The following RXFP1 variants were observed in gnomAD, a reference collection of about 807,000 sequenced individuals.
The protein encoded by RXFP1 is relaxin family peptide receptor 1, also known as relaxin receptor 1.
In RXFP1, 73 loss-of-function variants were observed where a neutral mutation model predicts 89.8. The ratio of observed to expected loss-of-function variants is 0.81; its 90% confidence interval spans 0.67 to 0.99. The LOEUF (loss-of-function observed/expected upper bound fraction) is 0.99. Among genes scored for constraint, RXFP1 ranks in the 50% least tolerant of loss-of-function variants. The pLI is 0.00. For synonymous variants in RXFP1, 277 were observed against 305.5 expected, an observed-to-expected ratio of 0.91 and a Z score of 0.97; for missense variants, 793 against 895.5, an observed-to-expected ratio of 0.89 and a Z score of 1.46.
At chr4:158,590,231 C>A (rs1397976889) in intron 2 of RXFP1, among the ~76,000 whole-genome samples, 2 of 152,146 alleles carry the variant, frequency 1.3e-5, no homozygotes, top group Non-Finnish European at 2.9e-5. Flanking sequence ...AGTGTGCAAT[C>A]TCGGCTCACT....
At chr4:158,595,146 G>T (rs1162495651) in intron 3 of RXFP1, among the ~76,000 whole-genome samples, 1 of 152,120 alleles carries the variant, frequency 6.6e-6, no homozygotes, top group African/African-American at 2.4e-5. Context: ...TTTACCTTTT[G>T]CTAGTCCTAG....
At chr4:158,616,758 G>T (rs1764657951) in intron 8 of RXFP1, among the ~76,000 whole-genome samples, 1 of 151,236 alleles carries the variant, frequency 6.6e-6, no homozygotes. Flanking sequence ...CAGCACTTTG[G>T]GAGTCCGAGG....
intron 13 of RXFP1, among the ~76,000 whole-genome samples, chr4:158,638,488 G>C (rs1335012369): frequency 6.6e-6 from 1 of 152,046 alleles, no homozygotes; most frequent in African/African-American, 2.4e-5. Context: ...CAAAAATTCT[G>C]TTAGAGCCAA....
chr4:158,550,400 C>T (rs1031189770), intron 1 of RXFP1, among the ~76,000 whole-genome samples: 5 of 152,246 alleles, frequency 3.3e-5, no homozygotes, highest in African/African-American at 9.6e-5. Flanking sequence ...TTGCACTTCC[C>T]GTGTGAGGCA....
chr4:158,626,130 A>AGAT (rs1247065875), intron 9 of RXFP1, among the ~76,000 whole-genome samples: 1 of 143,260 alleles, frequency 7.0e-6, no homozygotes. Context: ...ATAGATAGAT[A>AGAT]GATAGATAGA....
chr4:158,552,016 G>A (rs1178837173), intron 1 of RXFP1, among the ~76,000 whole-genome samples: 1 of 152,182 alleles, frequency 6.6e-6, no homozygotes, highest in East Asian at 1.9e-4. Flanking sequence ...ATTGAGACCA[G>A]TTGGGGACAC....
chr4:158,617,384 T>C (rs1764787813), intron 9 of RXFP1, among the ~76,000 whole-genome samples, 179 bp downstream of exon 9: 1 of 148,670 alleles, frequency 6.7e-6, no homozygotes, highest in Admixed American at 6.7e-5. Flanking sequence ...TTATCTAAAC[T>C]AACATCTCTA....
In RXFP1 at chr4:158,585,755, T is replaced by C. The variant is rs36050757; in HGVS notation, c.188-7646T>C. On this transcript the variant is annotated intron_variant, in intron 2 of 17. Coordinates refer to ENST00000307765, the MANE Select transcript of RXFP1 (RefSeq NM_021634.4). The stretch of plus-strand genomic sequence containing the variant: ...AGGTAAAAAAGATTTTCTACTATAC[T>C]CTCATAAAGAGATAAAATATATACA... 4.5e-3 allele frequency among the ~76,000 whole-genome samples: 680 copies of C among 152,316 alleles called. 26 individuals are homozygous for C. The highest frequency in any genetic ancestry group is 0.039 in the Admixed American group (593 of 15,298).
At chr4:158,555,047 G>A (rs1242244459) in intron 1 of RXFP1, among the ~76,000 whole-genome samples, 1 of 151,968 alleles carries the variant, frequency 6.6e-6, no homozygotes, top group African/African-American at 2.4e-5. Flanking sequence ...TTAAATTTAA[G>A]TAAACAAAAC....
intron 6 of RXFP1, among the ~76,000 whole-genome samples, chr4:158,609,683 C>G (rs1044922663): frequency 2.6e-5 from 4 of 152,276 alleles, no homozygotes; most frequent in African/African-American, 9.6e-5. Flanking sequence ...GCAGGAGACT[C>G]GAAGCCTTAA....
At chr4:158,539,427 A>C (rs1746061456) in intron 1 of RXFP1, among the ~76,000 whole-genome samples, 1 of 152,150 alleles carries the variant, frequency 6.6e-6, no homozygotes, top group African/African-American at 2.4e-5. Flanking sequence ...ACACTTATAC[A>C]TATGTAACAA....
intron 1 of RXFP1, among the ~76,000 whole-genome samples, chr4:158,550,254 G>T (rs942119773): frequency 6.6e-6 from 1 of 152,240 alleles, no homozygotes; most frequent in African/African-American, 2.4e-5. Context: ...TCCGAGCCAT[G>T]TGTGGGATAT....
intron 1 of RXFP1, among the ~76,000 whole-genome samples, chr4:158,549,489 A>G (rs4622953): frequency 0.96 from 146,121 of 152,296 alleles, 70,351 homozygotes; most frequent in East Asian, 1. Context: ...TTCCGTTGCT[A>G]GTGAGGAGCT....
chr4:158,572,861 T>C (rs781226555), intron 2 of RXFP1, 26 bp downstream of exon 2: 4 of 1,612,816 alleles, frequency 2.5e-6, no homozygotes, highest in Non-Finnish European at 3.4e-6. Context: ...GCAGTCACGG[T>C]GAGAGAAAGG....
chr4:158,601,994 CT>C (rs1216111831), intron 4 of RXFP1, among the ~76,000 whole-genome samples: 6 of 152,170 alleles, frequency 3.9e-5, no homozygotes, highest in Non-Finnish European at 8.8e-5. Context: ...CTAGAGCTAG[CT>C]TTGACAATAA....
At chr4:158,633,530 A>AT in intron 12 of RXFP1, 54 bp downstream of exon 12, 1 of 1,105,400 alleles carries the variant, frequency 9.0e-7, no homozygotes, top group South Asian at 1.4e-5. Flanking sequence ...TATTTTTTAA[A>AT]TTGTAAAATA....
chr4:158,610,481 G>T (rs1342271697), intron 6 of RXFP1, among the ~76,000 whole-genome samples: 1 of 152,166 alleles, frequency 6.6e-6, no homozygotes, highest in African/African-American at 2.4e-5. Context: ...CAGGACTCCT[G>T]TTCTCTAGAA....
At chr4:158,634,886 C>T (rs1768845200) in intron 12 of RXFP1, among the ~76,000 whole-genome samples, 1 of 152,156 alleles carries the variant, frequency 6.6e-6, no homozygotes. Context: ...TTCCATTAGT[C>T]TACATGTCTG....
chr4:158,634,867 T>G (rs1768837899), intron 12 of RXFP1, among the ~76,000 whole-genome samples: 1 of 152,204 alleles, frequency 6.6e-6, no homozygotes, highest in African/African-American at 2.4e-5. Flanking sequence ...TCCTGAGCTC[T>G]CTATTCTATT....
Sources: allele counts gnomAD v4.1 joint callset (sites outside exome capture counted in the v4.1 genomes callset), GRCh38; gene constraint gnomAD v4.1.1; transcripts MANE v1.5; gene names NCBI Gene and HGNC (gene_info 2026-07-23, HGNC 2026-07-21).